Variants in ZEB1 observed in about 807,000 individuals in gnomAD.
ZEB1 encodes zinc finger E-box-binding homeobox 1.
ZEB1 carries 21 observed loss-of-function variants against 84.9 expected under a neutral mutation model. The observed-to-expected ratio is 0.25, with a 90% CI of 0.18 to 0.36. ZEB1 has a LOEUF of 0.36. Among genes scored for constraint, ZEB1 ranks in the 10% least tolerant of loss-of-function variants. The pLI is 1.00. For missense variants in ZEB1, 1,104 were observed against 1,330.2 expected (o/e 0.83, Z 2.65); for synonymous variants, 420 against 471.1 (o/e 0.89, Z 1.41).
At chr10:31,447,158 C>T (rs2059897194) in intron 1 of ZEB1, among the ~76,000 whole-genome samples, 1 of 152,018 alleles carries the variant, frequency 6.6e-6, no homozygotes, top group African/African-American at 2.4e-5. Context: ...GATCCCTTTA[C>T]CATTATGTAA....
chr10:31,489,488 T>C (rs1348448908), intron 2 of ZEB1, among the ~76,000 whole-genome samples: 1 of 151,426 alleles, frequency 6.6e-6, no homozygotes, highest in African/African-American at 2.4e-5. Context: ...GTTTTATGTT[T>C]GGATTTGGGT....
chr10:31,478,961 C>T (rs1565050945), intron 2 of ZEB1, among the ~76,000 whole-genome samples: 1 of 151,612 alleles, frequency 6.6e-6, no homozygotes, highest in Non-Finnish European at 1.5e-5. Flanking sequence ...CATTAGAAGC[C>T]CAAACCTCAC....
intron 1 of ZEB1, among the ~76,000 whole-genome samples, chr10:31,359,168 A>C (rs2042583926): frequency 6.6e-6 from 1 of 152,170 alleles, no homozygotes. Flanking sequence ...AAAATGCTAG[A>C]GAGACTGTGT....
chr10:31,373,206 T>C, intron 1 of ZEB1: 1 of 985,282 alleles, frequency 1.0e-6, no homozygotes, highest in Non-Finnish European at 1.2e-6. Context: ...TGTGTGTGTG[T>C]GTGTGTGTGT....
chr10:31,380,568 T>C (rs930036924), intron 1 of ZEB1, among the ~76,000 whole-genome samples: 5 of 152,192 alleles, frequency 3.3e-5, no homozygotes, highest in African/African-American at 1.2e-4. Context: ...TCCAAATCAA[T>C]TCTGTCATTA....
chr10:31,375,292 G>T (rs1367092576), intron 1 of ZEB1, among the ~76,000 whole-genome samples: 1 of 151,698 alleles, frequency 6.6e-6, no homozygotes, highest in African/African-American at 2.4e-5. Context: ...GTCAGTGCTA[G>T]GAGAAAGATG....
intron 1 of ZEB1, among the ~76,000 whole-genome samples, chr10:31,431,537 T>G (rs1409550655): frequency 6.6e-6 from 1 of 152,184 alleles, no homozygotes. Context: ...TTTTAAATTT[T>G]AGTTTTAATA....
At chr10:31,435,158 A>G (rs2058141152) in intron 1 of ZEB1, among the ~76,000 whole-genome samples, 1 of 152,228 alleles carries the variant, frequency 6.6e-6, no homozygotes, top group South Asian at 2.1e-4. Flanking sequence ...ATGATGCGAC[A>G]TGAGAAAGTT....
rs1834690512 is a variant in ZEB1 at position 31,529,235 on chromosome 10, T to A, written c.*1971T>A. The A allele has an allele frequency of 6.6e-6, 1 of 152,226 alleles. No homozygotes were observed. Among genetic ancestry groups the A allele is most frequent in the Non-Finnish European group, 1.5e-5 (1 of 68,044 alleles). 9.4% of individuals were successfully genotyped at this position (152,226 alleles called of 1,614,324 possible). A position where few individuals can be genotyped will look rare whatever the true frequency, so the allele number is the denominator to read the frequency against. On this transcript the variant is annotated 3_prime_UTR_variant, in exon 9 of 9. Coordinates refer to ENST00000424869, the MANE Select transcript of ZEB1 (RefSeq NM_001174096.2). The stretch of plus-strand genomic sequence containing the variant: ...CATTCTTTTCATCATTATCAGTATT[T>A]TCTTTGGAAAACTGTGAAATGGGGT...
At chr10:31,412,132 A>G (rs2054411855) in intron 1 of ZEB1, among the ~76,000 whole-genome samples, 1 of 152,258 alleles carries the variant, frequency 6.6e-6, no homozygotes. Flanking sequence ...TTTACAAAAT[A>G]TCTTATTTTC....
intron 4 of ZEB1, among the ~76,000 whole-genome samples, chr10:31,506,041 A>G (rs1279530775): frequency 6.6e-6 from 1 of 151,960 alleles, no homozygotes; most frequent in Non-Finnish European, 1.5e-5. Context: ...ATTCAAAAGC[A>G]TGTTGTTTAA....
In ZEB1 at chr10:31,352,260, G is replaced by T. The variant is rs1039510216; in HGVS notation, c.58+32968G>T. 5.3e-5 allele frequency among the ~76,000 whole-genome samples: 8 copies of T among 152,078 alleles called. 1 individual carries two copies. The East Asian group carries it at 9.6e-4, about 18-fold the overall frequency. On this transcript the variant is annotated intron_variant, in intron 1 of 8. Transcript: ENST00000424869. ...GTGATTTTAAGTGCTGAACCATGTT[G>T]TTTTTCAATGTAAAATGAGTGTAAC...
chr10:31,397,007 T>A (rs555605763), intron 1 of ZEB1, among the ~76,000 whole-genome samples: 81 of 150,182 alleles, frequency 5.4e-4, no homozygotes, highest in African/African-American at 1.9e-4. Context: ...TTTTTTATTT[T>A]TTATTATTAT....
chr10:31,322,661 AC>A (rs2034428826), intron 1 of ZEB1, among the ~76,000 whole-genome samples: 1 of 151,806 alleles, frequency 6.6e-6, no homozygotes. Context: ...ATTAGTTTTT[AC>A]CATTTATAAT....
intron 2 of ZEB1, among the ~76,000 whole-genome samples, chr10:31,479,392 C>A (rs765116299): frequency 6.6e-6 from 1 of 151,794 alleles, no homozygotes; most frequent in Non-Finnish European, 1.5e-5. Context: ...GGAATACTGC[C>A]AAAGTCATTC....
chr10:31,497,361 T>C (rs956293400), intron 3 of ZEB1, among the ~76,000 whole-genome samples: 1 of 152,162 alleles, frequency 6.6e-6, no homozygotes, highest in Non-Finnish European at 1.5e-5. Context: ...CTGAATAGTA[T>C]GTAAATTTCC....
At chr10:31,348,722 G>T (rs933155388) in intron 1 of ZEB1, among the ~76,000 whole-genome samples, 1 of 151,790 alleles carries the variant, frequency 6.6e-6, no homozygotes, top group African/African-American at 2.4e-5. Flanking sequence ...TTCTGTGTCC[G>T]TTTTAGGTTA....
At chr10:31,428,542 T>G (rs1159497500) in intron 1 of ZEB1, among the ~76,000 whole-genome samples, 1 of 152,228 alleles carries the variant, frequency 6.6e-6, no homozygotes, top group East Asian at 1.9e-4. Flanking sequence ...TCTGTTGTTT[T>G]TGGGTGGAGA....
intron 1 of ZEB1, among the ~76,000 whole-genome samples, chr10:31,391,690 C>A (rs1443787400): frequency 6.6e-6 from 1 of 152,132 alleles, no homozygotes; most frequent in Non-Finnish European, 1.5e-5. Flanking sequence ...AGACTGACTT[C>A]CTTTTGTTTA....
Sources: gnomAD v4.1 joint callset for allele counts (sites outside exome capture counted in the v4.1 genomes callset) on GRCh38, gnomAD v4.1.1 for gene constraint, MANE v1.5 for transcripts, NCBI Gene and HGNC (gene_info 2026-07-23, HGNC 2026-07-21) for gene names.